Variants in MAML2 observed in about 807,000 individuals in gnomAD.
MAML2 encodes mastermind-like protein 2.
MAML2 carries 22 observed loss-of-function variants against 96.1 expected under a neutral mutation model. The observed-to-expected ratio is 0.23, with a 90% CI of 0.16 to 0.33. The LOEUF (loss-of-function observed/expected upper bound fraction) is 0.33. Among genes scored for constraint, MAML2 ranks in the 10% least tolerant of loss-of-function variants. The pLI is 1.00. For synonymous variants in MAML2, 561 were observed against 521.3 expected (o/e 1.08, Z -1.04); for missense variants, 1,367 against 1,392.4 (o/e 0.98, Z 0.29).
chr11:96,112,668 T>C lies in MAML2; in HGVS notation c.514-19151A>G, dbSNP rs116075510. On this transcript the variant is annotated intron_variant, in intron 1 of 4. Coordinates refer to ENST00000524717, the MANE Select transcript of MAML2 (RefSeq NM_032427.4). ...GTAAGAGGAGGATAGGCCTCTGACC[T>C]CCCACTCTTGCCCCAACTTCACCTT... is the stretch of plus-strand genomic sequence containing the variant. 5.6e-3 allele frequency among the ~76,000 whole-genome samples: 853 copies of C among 152,322 alleles called. 8 individuals are homozygous for C. Among genetic ancestry groups the C allele is most frequent in the African/African-American group, 0.02 (827 of 41,570 alleles).
intron 1 of MAML2, among the ~76,000 whole-genome samples, chr11:96,157,228 C>T (rs1417182567): frequency 6.6e-6 from 1 of 152,184 alleles, no homozygotes; most frequent in African/African-American, 2.4e-5. Context: ...CACAAGCTTC[C>T]TTTCTAATAG....
intron 2 of MAML2, among the ~76,000 whole-genome samples, chr11:96,015,575 A>T (rs1287867673): frequency 1.1e-5 from 1 of 91,302 alleles, no homozygotes; most frequent in African/African-American, 3.6e-5. Context: ...AAGGCAAAAA[A>T]AAAAAAAAAG....
At chr11:96,165,116 G>A (rs1313858500) in intron 1 of MAML2, among the ~76,000 whole-genome samples, 2 of 152,082 alleles carry the variant, frequency 1.3e-5, no homozygotes, top group Admixed American at 6.5e-5. Context: ...GCATGCATAT[G>A]CACAATATTT....
intron 1 of MAML2, among the ~76,000 whole-genome samples, chr11:96,118,346 T>C (rs1007879653): frequency 6.6e-6 from 1 of 152,200 alleles, no homozygotes; most frequent in Non-Finnish European, 1.5e-5. Context: ...ATTTTCCCCA[T>C]GGTTTTTCTT....
chr11:96,208,550 A>G (rs1591073349), intron 1 of MAML2, among the ~76,000 whole-genome samples: 2 of 152,368 alleles, frequency 1.3e-5, no homozygotes, highest in South Asian at 4.1e-4. Context: ...AGTTCAGGTA[A>G]ACCTGAGAAT....
At chr11:96,325,777 C>T (rs1863767758) in intron 1 of MAML2, among the ~76,000 whole-genome samples, 1 of 152,166 alleles carries the variant, frequency 6.6e-6, no homozygotes, top group Admixed American at 6.5e-5. Context: ...GACAAGACCA[C>T]CTTCTTCCCT....
rs190346721 is a variant in MAML2, at chr11:96,063,549, T to C, written c.2139+28343A>G. 7.9e-5 allele frequency among the ~76,000 whole-genome samples: 12 copies of C among 152,332 alleles called. No individual in the cohort carries two copies. In the East Asian group the frequency reaches 1.3e-3, roughly 17 times the overall value. On this transcript the variant is annotated intron_variant, in intron 2 of 4. Coordinates refer to ENST00000524717, the MANE Select transcript of MAML2 (RefSeq NM_032427.4). ...CATGTTAAATACTTTATACACATTA[T>C]GTTACAAAATCATCACAGTAGTCCC...
chr11:96,297,413 A>G (rs1863318150), intron 1 of MAML2, among the ~76,000 whole-genome samples: 1 of 151,990 alleles, frequency 6.6e-6, no homozygotes, highest in Non-Finnish European at 1.5e-5. Flanking sequence ...CGTCTCTACT[A>G]AAAATACAAA....
Position 95,977,615 on chromosome 11 carries a change from C to G in MAML2, c.*1333G>C, listed in dbSNP as rs1273974314. ...TTCATTCCAAATCAGCACACGTCTTCCCCATTTTACAGCTGATCTGGATGT... is the reference window on the plus strand; with the variant it reads ...TTCATTCCAAATCAGCACACGTCTTGCCCATTTTACAGCTGATCTGGATGT... On this transcript the variant is annotated 3_prime_UTR_variant, in exon 5 of 5. Coordinates refer to ENST00000524717, the MANE Select transcript of MAML2 (RefSeq NM_032427.4). The G allele has an allele frequency of 9.3e-6, 2 of 214,670 alleles. No individual in the cohort carries two copies. Among genetic ancestry groups the G allele is most frequent in the Non-Finnish European group, 1.9e-5 (2 of 106,348 alleles). 13.3% of individuals were successfully genotyped at this position (214,670 alleles called of 1,614,324 possible).
chr11:96,321,724 C>T (rs1370527900), intron 1 of MAML2, among the ~76,000 whole-genome samples: 1 of 152,164 alleles, frequency 6.6e-6, no homozygotes, highest in African/African-American at 2.4e-5. Context: ...CTTCTTTGAG[C>T]CATTCTGTTC....
intron 2 of MAML2, among the ~76,000 whole-genome samples, chr11:96,048,076 G>C (rs1391876857): frequency 1.3e-5 from 2 of 152,050 alleles, no homozygotes; most frequent in Non-Finnish European, 2.9e-5. Flanking sequence ...AGACGTTTTA[G>C]GGTTCATACC....
intron 1 of MAML2, among the ~76,000 whole-genome samples, chr11:96,195,693 G>C (rs1325524703): frequency 6.6e-6 from 1 of 152,186 alleles, no homozygotes. Context: ...TACCTCCATA[G>C]AATGGACGAC....
chr11:96,165,284 T>C (rs2135893744), intron 1 of MAML2, among the ~76,000 whole-genome samples: 1 of 152,338 alleles, frequency 6.6e-6, no homozygotes, highest in South Asian at 2.1e-4. Context: ...CACAGAGTGC[T>C]GAATCTTAAT....
At chr11:96,082,869 G>A (rs536774398) in intron 2 of MAML2, among the ~76,000 whole-genome samples, 3 of 152,338 alleles carry the variant, frequency 2.0e-5, no homozygotes, top group African/African-American at 7.2e-5. Flanking sequence ...TGGGAAGGGA[G>A]AGAGGAAGTA....
chr11:96,268,211 A>T (rs1862858101), intron 1 of MAML2, among the ~76,000 whole-genome samples: 1 of 152,204 alleles, frequency 6.6e-6, no homozygotes, highest in Non-Finnish European at 1.5e-5. Context: ...GCACTGACTC[A>T]TACCTGTAAT....
chr11:96,006,605 C>T (rs1354533182), intron 2 of MAML2, among the ~76,000 whole-genome samples: 3 of 148,988 alleles, frequency 2.0e-5, no homozygotes, highest in Non-Finnish European at 4.4e-5. Context: ...GTTGCCCAGG[C>T]TGGAGTGCAG....
intron 1 of MAML2, among the ~76,000 whole-genome samples, chr11:96,314,981 C>A (rs565095972): frequency 7.2e-4 from 109 of 152,360 alleles, no homozygotes; most frequent in African/African-American, 2.4e-3. Context: ...ATTTGTCCTA[C>A]TCCAAACAAC....
At chr11:96,107,261 A>G (rs1051715554) in intron 1 of MAML2, among the ~76,000 whole-genome samples, 1 of 152,058 alleles carries the variant, frequency 6.6e-6, no homozygotes, top group Non-Finnish European at 1.5e-5. Context: ...GGCATCAGAG[A>G]TCTGAATTTA....
chr11:96,268,133 T>C (rs1421192472), intron 1 of MAML2, among the ~76,000 whole-genome samples: 1 of 152,216 alleles, frequency 6.6e-6, no homozygotes, highest in East Asian at 1.9e-4. Flanking sequence ...TGGATATCTT[T>C]ATTTAACTTT....
Sources: gnomAD v4.1 joint callset for allele counts (sites outside exome capture counted in the v4.1 genomes callset) on GRCh38, gnomAD v4.1.1 for gene constraint, MANE v1.5 for transcripts, NCBI Gene and HGNC (gene_info 2026-07-23, HGNC 2026-07-21) for gene names.